Variants in NGEF observed in about 807,000 individuals in gnomAD.
NGEF encodes neuronal guanine nucleotide exchange factor.
Under a neutral mutation model 80.9 loss-of-function variants are expected in NGEF, and 31 were observed. The observed-to-expected ratio is 0.38, with a 90% CI of 0.29 to 0.52. The LOEUF is 0.52. Ranked by LOEUF, NGEF falls within the 20% of genes least tolerant of loss-of-function variation. NGEF has a pLI of 0.84. For missense variants in NGEF, 709 were observed against 926.2 expected (o/e 0.77, Z 3.04); for synonymous variants, 371 against 370.2 (o/e 1.00, Z -0.03).
At chr2:232,930,919 A>C (rs963469143) in intron 3 of NGEF, among the ~76,000 whole-genome samples, 1 of 152,258 alleles carries the variant, frequency 6.6e-6, no homozygotes, top group Non-Finnish European at 1.5e-5. Context: ...CTGAAGTCCG[A>C]AGTCTCATCT....
chr2:232,983,529 G>T (rs1230146924), intron 1 of NGEF, among the ~76,000 whole-genome samples: 2 of 152,184 alleles, frequency 1.3e-5, no homozygotes, highest in African/African-American at 4.8e-5. Context: ...AGGCCTGCAG[G>T]AGGGAAGCCA....
intron 1 of NGEF, among the ~76,000 whole-genome samples, chr2:232,988,139 G>A (rs776376582): frequency 7.9e-5 from 12 of 151,786 alleles, no homozygotes; most frequent in Non-Finnish European, 1.6e-4. Context: ...CGCAGCTGGT[G>A]GAGTAGAGGT....
intron 3 of NGEF, among the ~76,000 whole-genome samples, chr2:232,943,499 A>AT (rs72110776): frequency 0.2 from 28,110 of 142,924 alleles, 3,251 homozygotes; most frequent in African/African-American, 0.31. Flanking sequence ...AATGCTCTAC[A>AT]TTTTTTTTTT....
At chr2:232,894,476 C>T (rs542033727) in intron 6 of NGEF, 5 of 278,964 alleles carry the variant, frequency 1.8e-5, no homozygotes, top group Admixed American at 1.4e-4. Flanking sequence ...CTGGACTCAG[C>T]GTCACTCCAA....
chr2:232,882,372 C>A, intron 12 of NGEF, 107 bp from the exon 13 acceptor site: 1 of 1,016,060 alleles, frequency 9.8e-7, no homozygotes. Flanking sequence ...CGTCCACCAT[C>A]CTGAGCACCG....
chr2:232,899,714 AGT>A (rs1289252836), intron 5 of NGEF, among the ~76,000 whole-genome samples: 8 of 147,574 alleles, frequency 5.4e-5, no homozygotes, highest in African/African-American at 7.5e-5. Flanking sequence ...ACACGCTCTC[AGT>A]CACTCATATA....
intron 3 of NGEF, among the ~76,000 whole-genome samples, chr2:232,927,544 C>G (rs1460155356): frequency 6.6e-6 from 1 of 152,104 alleles, no homozygotes; most frequent in Non-Finnish European, 1.5e-5. Context: ...GCGCCCCTCG[C>G]CGTCACTCGA....
intron 5 of NGEF, chr2:232,905,565 C>G (rs1279431349): frequency 3.8e-6 from 1 of 263,934 alleles, no homozygotes; most frequent in East Asian, 1.7e-4. Flanking sequence ...GGCCGCCCAT[C>G]GTCTGGGACG....
At chr2:232,928,345 C>T (rs538681674) in intron 3 of NGEF, among the ~76,000 whole-genome samples, 1 of 151,010 alleles carries the variant, frequency 6.6e-6, no homozygotes, top group Non-Finnish European at 1.5e-5. Context: ...TCCCCCGCGC[C>T]GCCGTGCCCC....
At chr2:232,898,769 G>A (rs574905590) in intron 5 of NGEF, among the ~76,000 whole-genome samples, 73 of 152,356 alleles carry the variant, frequency 4.8e-4, no homozygotes, top group Non-Finnish European at 8.1e-4. Flanking sequence ...AGCAAGACTG[G>A]CTTCCCATGG....
intron 3 of NGEF, among the ~76,000 whole-genome samples, chr2:232,941,713 C>T (rs140962881): frequency 3.9e-5 from 6 of 152,310 alleles, no homozygotes; most frequent in Admixed American, 6.5e-5. Flanking sequence ...AAAGCGTTCA[C>T]GTAGCCATAG....
Position 232,993,137 on chromosome 2 carries a change from TTA to T in NGEF, c.-74-18175_-74-18174del, listed in dbSNP as rs1292981927. Among the ~76,000 whole-genome samples, 119 of 32,168 alleles carry T rather than the reference TTA, an allele frequency of 3.7e-3. 5 individuals carry two copies. The South Asian group carries it at 0.059, about 16-fold the overall frequency. The allele number at this position is 32,168 out of a possible 152,430, so 21.1% of individuals were successfully genotyped here. On this transcript the variant is annotated intron_variant, in intron 1 of 14. Transcript: ENST00000264051. The stretch of plus-strand genomic sequence containing the variant: ...TATATATAAATAAATATATATTTAT[TTA>T]TATATATATGGGCAAATATATATAT...
At chr2:232,888,588 T>C (rs992599601) in intron 8 of NGEF, among the ~76,000 whole-genome samples, 4 of 151,824 alleles carry the variant, frequency 2.6e-5, no homozygotes, top group African/African-American at 9.7e-5. Flanking sequence ...CGCACACACA[T>C]ACACACAGCC....
intron 5 of NGEF, among the ~76,000 whole-genome samples, chr2:232,895,897 T>A (rs534694012): frequency 6.6e-6 from 1 of 152,340 alleles, no homozygotes; most frequent in African/African-American, 2.4e-5. Context: ...TATCACCTGA[T>A]TGCTGAGCCT....
chr2:233,009,088 C>T (rs753166418), intron 1 of NGEF, among the ~76,000 whole-genome samples: 4 of 152,170 alleles, frequency 2.6e-5, no homozygotes, highest in Non-Finnish European at 5.9e-5. Context: ...TGAGCCACCA[C>T]ACCCGGCCCA....
At chr2:232,961,051 G>A (rs1049051527) in intron 3 of NGEF, among the ~76,000 whole-genome samples, 1 of 152,124 alleles carries the variant, frequency 6.6e-6, no homozygotes, top group Non-Finnish European at 1.5e-5. Flanking sequence ...CTGCTGGTTG[G>A]TATACCAAAG....
intron 5 of NGEF, among the ~76,000 whole-genome samples, chr2:232,897,531 G>A (rs1692138887): frequency 6.6e-6 from 1 of 152,134 alleles, no homozygotes; most frequent in African/African-American, 2.4e-5. Context: ...AGCTCTCACT[G>A]CTGCTTCCCT....
chr2:232,893,279 G>A (rs1432773220), intron 6 of NGEF, among the ~76,000 whole-genome samples: 3 of 152,234 alleles, frequency 2.0e-5, no homozygotes, highest in Non-Finnish European at 4.4e-5. Context: ...GGAGCACCAA[G>A]AGACCTTATC....
chr2:232,971,418 C>G (rs1015730527), intron 2 of NGEF, among the ~76,000 whole-genome samples: 1 of 152,208 alleles, frequency 6.6e-6, no homozygotes, highest in South Asian at 2.1e-4. Context: ...GGCGCGGTGG[C>G]TCACGCCTGT....
Sources: allele counts gnomAD v4.1 joint callset (sites outside exome capture counted in the v4.1 genomes callset), GRCh38; gene constraint gnomAD v4.1.1; transcripts MANE v1.5; gene names NCBI Gene and HGNC (gene_info 2026-07-23, HGNC 2026-07-21).